Variants in MIS18A observed in about 807,000 individuals in gnomAD.
MIS18A encodes MIS18 kinetochore protein A, also known as protein Mis18-alpha.
A neutral mutation model predicts 25.0 loss-of-function variants in MIS18A; 14 were observed. That is an observed-to-expected ratio of 0.56 (90% CI 0.37 to 0.88). The LOEUF is 0.88. Among genes scored for constraint, MIS18A ranks in the 40% least tolerant of loss-of-function variants. The pLI is 0.00. For missense variants in MIS18A, 292 were observed against 290.8 expected (o/e 1.00, Z -0.03); for synonymous variants, 134 against 118.6 (o/e 1.13, Z -0.84).
the MIS18A span, among the ~76,000 whole-genome samples, chr21:32,171,966 TA>T: frequency 6.6e-6 from 1 of 151,980 alleles, no homozygotes; most frequent in South Asian, 2.1e-4. Flanking sequence ...AAGCTTATTT[TA>T]AAATGGGCAA....
Position 32,269,047 on chromosome 21 carries a change from C to T in MIS18A, c.692G>A (p.Cys231Tyr), listed in dbSNP as rs772701672. The part of the protein sequence containing the change: ...EAESKLSFAT[C>Y]KS ...GACACAGACTAGAGTTCAGCTTTTA[C>T]AAGTGGCAAAGGACAATTTGGATTC... The change falls in exon 5 of 5, where the codon TGT becomes TAT. Residue 231 changes from cysteine (C) to tyrosine (Y), a missense_variant. Physicochemically the swap from Cys to Tyr is radical, Grantham distance 194. Transcript: ENST00000290130. 3.7e-6 allele frequency: 6 copies of T among 1,600,252 alleles called. No homozygotes were observed. The highest frequency in any genetic ancestry group is 2.3e-5 in the South Asian group (2 of 88,426).
chr21:32,177,001 G>C, the MIS18A span, among the ~76,000 whole-genome samples: 3 of 152,022 alleles, frequency 2.0e-5, no homozygotes, highest in Non-Finnish European at 2.9e-5. Context: ...GTAAGAAAGA[G>C]AGAGAAAAAA....
At chr21:32,165,902 C>T in the MIS18A span, among the ~76,000 whole-genome samples, 1 of 152,162 alleles carries the variant, frequency 6.6e-6, no homozygotes, top group Non-Finnish European at 1.5e-5. Context: ...TGCTATTCTA[C>T]AGACACAATG....
the MIS18A span, among the ~76,000 whole-genome samples, chr21:32,244,709 T>C: frequency 6.6e-6 from 1 of 152,066 alleles, no homozygotes; most frequent in African/African-American, 2.4e-5. Flanking sequence ...TGCACTTGAG[T>C]CTGGGCAACA....
the MIS18A span, among the ~76,000 whole-genome samples, chr21:32,202,196 G>A: frequency 6.6e-6 from 1 of 152,060 alleles, no homozygotes; most frequent in South Asian, 2.1e-4. Context: ...GGCTGAGGTG[G>A]GAGGATCACC....
At chr21:32,202,649 C>A in the MIS18A span, among the ~76,000 whole-genome samples, 1 of 152,312 alleles carries the variant, frequency 6.6e-6, no homozygotes, top group Non-Finnish European at 1.5e-5. Flanking sequence ...CCACATCCCC[C>A]CTTGGCAAAA....
chr21:32,230,632 A>G, the MIS18A span, among the ~76,000 whole-genome samples: 1 of 152,220 alleles, frequency 6.6e-6, no homozygotes, highest in Non-Finnish European at 1.5e-5. Context: ...AATTAATTCA[A>G]TGGAAAAAGA....
chr21:32,214,949 T>A, the MIS18A span, among the ~76,000 whole-genome samples: 1 of 152,178 alleles, frequency 6.6e-6, no homozygotes, highest in Admixed American at 6.5e-5. Flanking sequence ...AGGGTCTAGC[T>A]GCCCCAGAGA....
At chr21:32,203,825 C>T in the MIS18A span, among the ~76,000 whole-genome samples, 1 of 151,858 alleles carries the variant, frequency 6.6e-6, no homozygotes, top group African/African-American at 2.4e-5. Flanking sequence ...CACTATGTTG[C>T]CCAGGCTGGT....
At chr21:32,208,950 G>C in the MIS18A span, among the ~76,000 whole-genome samples, 10,519 of 152,288 alleles carry the variant, frequency 0.069, 392 homozygotes, top group Middle Eastern at 0.11. Context: ...GTTTAAAATG[G>C]CTAGAAATGG....
chr21:32,176,912 T>A, the MIS18A span, among the ~76,000 whole-genome samples: 1 of 151,970 alleles, frequency 6.6e-6, no homozygotes, highest in African/African-American at 2.4e-5. Context: ...TGAAATAATA[T>A]GGGTACCAAA....
At chr21:32,247,348 T>A in the MIS18A span, among the ~76,000 whole-genome samples, 9 of 152,118 alleles carry the variant, frequency 5.9e-5, no homozygotes, top group Non-Finnish European at 1.3e-4. Flanking sequence ...GAAAAGGAGT[T>A]CCTTAGTGGC....
chr21:32,178,873 T>G, the MIS18A span, among the ~76,000 whole-genome samples: 1 of 152,158 alleles, frequency 6.6e-6, no homozygotes, highest in Non-Finnish European at 1.5e-5. Flanking sequence ...GTCTCTTATC[T>G]TTCTTCTTTT....
the MIS18A span, among the ~76,000 whole-genome samples, chr21:32,226,943 A>G: frequency 4.6e-5 from 7 of 152,202 alleles, no homozygotes; most frequent in African/African-American, 1.7e-4. Flanking sequence ...AAATTTAGAC[A>G]ATTCACAAAT....
At position 32,269,121 on chromosome 21, in the gene MIS18A, T is replaced by C; in HGVS notation, c.622-4A>G. ...ATGCTTTCAAGACATCTTCCATCTA[T>C]TGAATTTAAAAAATAAAAAAATAAA... is the stretch of plus-strand genomic sequence containing the variant. On this transcript the variant is annotated splice_region_variant and splice_polypyrimidine_tract_variant and intron_variant, in intron 4 of 4. Coordinates refer to ENST00000290130, the MANE Select transcript of MIS18A (RefSeq NM_018944.3). The C allele has an allele frequency of 3.8e-6, 6 of 1,581,960 alleles. No homozygotes were observed. The highest frequency in any genetic ancestry group is 2.2e-5 in the East Asian group (1 of 44,464).
At chr21:32,162,557 A>G in the MIS18A span, among the ~76,000 whole-genome samples, 15 of 152,210 alleles carry the variant, frequency 9.9e-5, no homozygotes, top group Non-Finnish European at 2.2e-4. Context: ...TTCATAGTGC[A>G]TGCCACTATT....
chr21:32,175,031 C>T, the MIS18A span, among the ~76,000 whole-genome samples: 1 of 152,164 alleles, frequency 6.6e-6, no homozygotes, highest in African/African-American at 2.4e-5. Context: ...ATTGAGCAAA[C>T]ATCATAGAGT....
the MIS18A span, among the ~76,000 whole-genome samples, chr21:32,176,486 A>G: frequency 6.6e-6 from 1 of 152,244 alleles, no homozygotes; most frequent in African/African-American, 2.4e-5. Context: ...TTTGTAAGCT[A>G]TATTGTTTAA....
At chr21:32,162,590 G>A in the MIS18A span, among the ~76,000 whole-genome samples, 1 of 152,154 alleles carries the variant, frequency 6.6e-6, no homozygotes, top group African/African-American at 2.4e-5. Flanking sequence ...GTATCATAGT[G>A]ATATTGTTCA....
Sources: allele counts gnomAD v4.1 joint callset (sites outside exome capture counted in the v4.1 genomes callset), GRCh38; gene constraint gnomAD v4.1.1; transcripts MANE v1.5; gene names NCBI Gene and HGNC (gene_info 2026-07-23, HGNC 2026-07-21).